The following RFX4 variants were observed in gnomAD, a reference collection of about 807,000 sequenced individuals.
RFX4 encodes the protein regulatory factor X4, also known as transcription factor RFX4.
RFX4 carries 10 observed loss-of-function variants against 95.0 expected under a neutral mutation model. The observed-to-expected ratio is 0.11, with a 90% CI of 0.06 to 0.18. The LOEUF (loss-of-function observed/expected upper bound fraction) is 0.18. Among genes scored for constraint, RFX4 ranks in the 10% least tolerant of loss-of-function variants. The probability of loss-of-function intolerance (pLI) is 1.00; values close to 1 mark genes in which losing one functional copy is unlikely to be tolerated. For synonymous variants in RFX4, 321 were observed against 340.7 expected (o/e 0.94, Z 0.64); for missense variants, 640 against 922.0 (o/e 0.69, Z 3.96).
chr12:106,692,304 C>G (rs948548904), intron 7 of RFX4, among the ~76,000 whole-genome samples: 1 of 152,186 alleles, frequency 6.6e-6, no homozygotes, highest in Non-Finnish European at 1.5e-5. Flanking sequence ...GAGCAAGGCA[C>G]TTAACCTCTC....
At chr12:106,693,489 G>T (rs1245210718) in intron 7 of RFX4, among the ~76,000 whole-genome samples, 1 of 152,188 alleles carries the variant, frequency 6.6e-6, no homozygotes, top group Non-Finnish European at 1.5e-5. Flanking sequence ...AGCTAAGTAA[G>T]GCAAATGAAT....
intron 17 of RFX4, among the ~76,000 whole-genome samples, chr12:106,752,292 T>G (rs1460580847): frequency 1.3e-5 from 2 of 151,722 alleles, no homozygotes; most frequent in African/African-American, 4.8e-5. Context: ...GTTCCATTGA[T>G]CTATATCTCT....
chr12:106,717,049 C>G (rs745931078), intron 11 of RFX4, among the ~76,000 whole-genome samples: 1 of 149,922 alleles, frequency 6.7e-6, no homozygotes, highest in Admixed American at 6.6e-5. Flanking sequence ...TTTAGAGGTT[C>G]CAGGATCTTT....
intron 4 of RFX4, among the ~76,000 whole-genome samples, chr12:106,663,313 G>A (rs1398414490): frequency 6.6e-6 from 1 of 151,996 alleles, no homozygotes; most frequent in East Asian, 1.9e-4. Flanking sequence ...ATTTTGAGGG[G>A]ATGCTAACAT....
chr12:106,613,482 C>A lies in RFX4; in HGVS notation c.130+4599C>A, dbSNP rs139139349. Among the ~76,000 whole-genome samples the A allele has an allele frequency of 7.0e-3, 1,059 of 151,968 alleles. 14 individuals are homozygous for A. The highest frequency in any genetic ancestry group is 0.024 in the African/African-American group (988 of 41,454). The stretch of plus-strand genomic sequence containing the variant: ...GGTTCAAGCGATTCTCCTGCCTCAG[C>A]CTCCCACATAGCTGGGATTACAGGC... On this transcript the variant is annotated intron_variant, in intron 2 of 17. Transcript: ENST00000392842.
chr12:106,701,479 C>T (rs957370399), intron 8 of RFX4, among the ~76,000 whole-genome samples: 7 of 151,990 alleles, frequency 4.6e-5, no homozygotes, highest in African/African-American at 1.4e-4. Context: ...TCTTTTTTCT[C>T]CTCCTGATAT....
chr12:106,675,792 G>T (rs1208207426), intron 4 of RFX4, among the ~76,000 whole-genome samples: 2 of 152,196 alleles, frequency 1.3e-5, no homozygotes, highest in Admixed American at 6.5e-5. Flanking sequence ...AGAACATCCT[G>T]TGGGAAGGGC....
rs2042366751 is a variant in RFX4 at position 106,720,027 on chromosome 12, T to G, written c.1206T>G (p.Asp402Glu). Residue 402 changes from aspartate to glutamate, a missense_variant, in exon 12 of 18, where the codon GAT becomes GAG. Physicochemically the swap from Asp to Glu is conservative, Grantham distance 45 (BLOSUM62 2). Coordinates refer to ENST00000392842, the MANE Select transcript of RFX4 (RefSeq NM_213594.3). The surrounding 1 kb of genome is among the most constrained non-coding windows in gnomAD (Gnocchi z 4.2). The stretch of plus-strand genomic sequence containing the variant: ...TCGAGTCCTACATTGAGTGGCTGGA[T>G]ACCATGGTTGACCGCTGTGTTGTGA... ...SPIESYIEWL[D>E]TMVDRCVVKV... 6.2e-7 allele frequency: 1 copy of G among 1,614,112 alleles called. No individual in the cohort carries two copies. Among genetic ancestry groups the G allele is most frequent in the Non-Finnish European group, 8.5e-7 (1 of 1,180,042 alleles).
At chr12:106,705,237 T>C (rs2042061757) in intron 8 of RFX4, among the ~76,000 whole-genome samples, 1 of 152,236 alleles carries the variant, frequency 6.6e-6, no homozygotes, top group South Asian at 2.1e-4. Context: ...CATTAAAAGG[T>C]AACTGCTGTT....
chr12:106,755,194 T>C (rs144222563), intron 17 of RFX4, among the ~76,000 whole-genome samples: 2 of 152,294 alleles, frequency 1.3e-5, no homozygotes, highest in East Asian at 3.9e-4. Context: ...CCTCCTGGGC[T>C]CAAGTGATCC....
chr12:106,675,017 A>G (rs2041363940), intron 4 of RFX4, among the ~76,000 whole-genome samples: 1 of 152,230 alleles, frequency 6.6e-6, no homozygotes, highest in African/African-American at 2.4e-5. Context: ...TAAAGATTCT[A>G]TGGGAGTGGC....
intron 3 of RFX4, among the ~76,000 whole-genome samples, chr12:106,643,642 G>A (rs907535381): frequency 2.0e-5 from 3 of 151,970 alleles, no homozygotes; most frequent in African/African-American, 7.3e-5. Flanking sequence ...CTGCCGTGGG[G>A]TTGAGAGCTA....
At chr12:106,685,248 C>T (rs2041619439) in intron 5 of RFX4, among the ~76,000 whole-genome samples, 2 of 150,934 alleles carry the variant, frequency 1.3e-5, no homozygotes, top group South Asian at 4.2e-4. Context: ...ACTAGACTAC[C>T]AGGGATATTT....
chr12:106,648,633 T>G (rs1160183527), intron 3 of RFX4, among the ~76,000 whole-genome samples: 3 of 150,658 alleles, frequency 2.0e-5, no homozygotes, highest in South Asian at 4.2e-4. Context: ...GGGGTTTTTT[T>G]TTTTTTTTTT....
At chr12:106,633,148 A>G (rs1174398688) in intron 2 of RFX4, among the ~76,000 whole-genome samples, 2 of 152,158 alleles carry the variant, frequency 1.3e-5, no homozygotes, top group African/African-American at 4.8e-5. Flanking sequence ...GGGCATTCAG[A>G]CCCTGGGCAC....
chr12:106,654,211 G>A lies in RFX4; in HGVS notation c.192-17G>A, dbSNP rs758838088. On this transcript the variant is annotated splice_polypyrimidine_tract_variant and intron_variant, in intron 3 of 17. Coordinates refer to ENST00000392842, the MANE Select transcript of RFX4 (RefSeq NM_213594.3). ...AAGGTAACACATTTTTTGCTCATTG[G>A]GCGTTTATTTCCCTAGGCTGGAGGA... The A allele has an allele frequency of 3.4e-5, 55 of 1,613,264 alleles. 1 individual carries two copies. The East Asian group carries it at 1.2e-3, about 35-fold the overall frequency.
intron 17 of RFX4, among the ~76,000 whole-genome samples, chr12:106,758,487 G>A (rs539855802): frequency 2.6e-5 from 4 of 152,148 alleles, no homozygotes; most frequent in South Asian, 2.1e-4. Context: ...CAGCTGTGTC[G>A]AGGGTCCTTG....
intron 17 of RFX4, among the ~76,000 whole-genome samples, chr12:106,759,234 G>A (rs555292687): frequency 6.6e-6 from 1 of 152,300 alleles, no homozygotes; most frequent in South Asian, 2.1e-4. Flanking sequence ...GGCATGGCAG[G>A]AGCCAGGGGT....
At chr12:106,626,314 G>A (rs1233228273) in intron 2 of RFX4, among the ~76,000 whole-genome samples, 2 of 152,234 alleles carry the variant, frequency 1.3e-5, no homozygotes, top group African/African-American at 4.8e-5. Context: ...GCATCTTGGA[G>A]GAGGTGACAT....
Sources: allele counts gnomAD v4.1 joint callset (sites outside exome capture counted in the v4.1 genomes callset), GRCh38; gene constraint gnomAD v4.1.1; non-coding constraint Gnocchi (gnomAD v3.1); transcripts MANE v1.5; gene names NCBI Gene and HGNC (gene_info 2026-07-23, HGNC 2026-07-21).